Variants in DSCAM observed in about 807,000 individuals in gnomAD.
DSCAM encodes the protein DS cell adhesion molecule.
DSCAM carries 47 observed loss-of-function variants against 217.7 expected under a neutral mutation model. The ratio of observed to expected loss-of-function variants is 0.22; its 90% confidence interval spans 0.17 to 0.28. The LOEUF (loss-of-function observed/expected upper bound fraction) is 0.28, where lower values mean the gene tolerates loss of function less well. DSCAM is among the 10% of genes least tolerant of loss of function. The pLI is 1.00. For missense variants in DSCAM, 2,080 were observed against 2,618.3 expected, an observed-to-expected ratio of 0.79 and a Z score of 4.49; for synonymous variants, 1,056 against 1,015.3, an observed-to-expected ratio of 1.04 and a Z score of -0.76.
chr21:40,071,538 T>G (rs1373824987), intron 27 of DSCAM, among the ~76,000 whole-genome samples: 2 of 152,242 alleles, frequency 1.3e-5, no homozygotes, highest in East Asian at 1.9e-4. Flanking sequence ...TGTGATCAAT[T>G]TCAACCATAT....
At chr21:40,205,968 C>A (rs2837500) in intron 11 of DSCAM, among the ~76,000 whole-genome samples, 34 of 151,898 alleles carry the variant, frequency 2.2e-4, no homozygotes, top group African/African-American at 8.2e-4. Context: ...CTTTTATATT[C>A]GACATGGAAC....
chr21:40,667,349 G>A (rs963624717), intron 3 of DSCAM, among the ~76,000 whole-genome samples: 14 of 152,164 alleles, frequency 9.2e-5, no homozygotes, highest in African/African-American at 2.9e-4. Context: ...CCGAGCAGGA[G>A]AAATGTAGTT....
chr21:40,768,477 A>G (rs556981422), intron 1 of DSCAM, among the ~76,000 whole-genome samples: 1 of 152,328 alleles, frequency 6.6e-6, no homozygotes, highest in Admixed American at 6.5e-5. Flanking sequence ...TCACTAACCG[A>G]AAGCATTCTT....
chr21:40,823,656 G>C (rs560216012), intron 1 of DSCAM, among the ~76,000 whole-genome samples: 2 of 152,252 alleles, frequency 1.3e-5, no homozygotes, highest in Admixed American at 1.3e-4. Context: ...GATGGTGATT[G>C]CTACAGTGAA....
intron 3 of DSCAM, among the ~76,000 whole-genome samples, chr21:40,628,391 T>C (rs1383567853): frequency 6.6e-6 from 1 of 152,156 alleles, no homozygotes; most frequent in Admixed American, 6.5e-5. Context: ...GGCCTCTTCT[T>C]CTATAAAATG....
chr21:40,253,043 T>C (rs771301735), intron 11 of DSCAM, among the ~76,000 whole-genome samples: 9 of 152,182 alleles, frequency 5.9e-5, no homozygotes, highest in Non-Finnish European at 1.3e-4. Context: ...AGTGACATGT[T>C]TATCTGCCTT....
At chr21:40,759,958 CATTTATTTATTT>C (rs56093065) in intron 1 of DSCAM, among the ~76,000 whole-genome samples, 11,824 of 135,688 alleles carry the variant, frequency 0.087, 541 homozygotes, top group Admixed American at 0.11. Context: ...GATACGTTTA[CATTTATTTATTT>C]ATTTATTTAT....
At chr21:40,033,199 C>T (rs549701054) in intron 32 of DSCAM, among the ~76,000 whole-genome samples, 5 of 152,134 alleles carry the variant, frequency 3.3e-5, no homozygotes, top group Non-Finnish European at 7.4e-5. Flanking sequence ...GAACAGCTCC[C>T]GTCTACAGCT....
chr21:40,072,702 C>T (rs2089314041), intron 27 of DSCAM, among the ~76,000 whole-genome samples: 1 of 152,118 alleles, frequency 6.6e-6, no homozygotes, highest in Non-Finnish European at 1.5e-5. Context: ...GTACAAAATG[C>T]CGAACTGCAG....
intron 11 of DSCAM, among the ~76,000 whole-genome samples, chr21:40,200,500 GA>G (rs1187930315): frequency 2.0e-5 from 3 of 152,164 alleles, no homozygotes; most frequent in African/African-American, 7.2e-5. Flanking sequence ...TTCTAAGCCT[GA>G]ATTATATTTC....
chr21:40,392,770 G>T (rs187219168), intron 3 of DSCAM, among the ~76,000 whole-genome samples: 35 of 152,264 alleles, frequency 2.3e-4, no homozygotes, highest in Non-Finnish European at 4.6e-4. Context: ...GGACCAAAGA[G>T]CAGTAGTACA....
chr21:40,534,995 T>C (rs555583469), intron 3 of DSCAM, among the ~76,000 whole-genome samples: 1 of 152,260 alleles, frequency 6.6e-6, no homozygotes, highest in South Asian at 2.1e-4. Flanking sequence ...TAGACATACC[T>C]GGGTCTGACT....
intron 3 of DSCAM, among the ~76,000 whole-genome samples, chr21:40,680,111 TATA>T (rs1237716150): frequency 1.3e-5 from 2 of 152,198 alleles, no homozygotes; most frequent in African/African-American, 2.4e-5. Flanking sequence ...ACAATCTTAC[TATA>T]ATGTTATTTT....
chr21:40,246,351 T>C, intron 11 of DSCAM, among the ~76,000 whole-genome samples: 2 of 68,180 alleles, frequency 2.9e-5, no homozygotes, highest in Non-Finnish European at 4.6e-5. Context: ...ACCCAGTCCG[T>C]ACTAAAAAAA....
chr21:40,622,802 C>T lies in DSCAM; in HGVS notation c.508+70008G>A, dbSNP rs1252987621. Among the ~76,000 whole-genome samples the T allele has an allele frequency of 2.0e-5, 3 of 151,098 alleles. No homozygotes were observed. The East Asian group carries it at 5.8e-4, about 29-fold the overall frequency. ...GTCGTGCTTTCCACTGAGCTGGCTC[C>T]GAGTCTGCCCCCAGGAAATACCTGT... On this transcript the variant is annotated intron_variant, in intron 3 of 32. Coordinates refer to ENST00000400454, the MANE Select transcript of DSCAM (RefSeq NM_001389.5).
chr21:40,599,137 C>T, intron 3 of DSCAM, among the ~76,000 whole-genome samples: 1 of 152,110 alleles, frequency 6.6e-6, no homozygotes, highest in Non-Finnish European at 1.5e-5. Flanking sequence ...GATTTTCTCT[C>T]CATCTTTGGC....
At chr21:40,498,444 A>T (rs1331546184) in intron 3 of DSCAM, among the ~76,000 whole-genome samples, 6 of 151,800 alleles carry the variant, frequency 4.0e-5, no homozygotes, top group Non-Finnish European at 7.4e-5. Flanking sequence ...GGTGTTTTAG[A>T]GACAACTTCC....
At chr21:40,303,211 G>C (rs2074035709) in intron 9 of DSCAM, among the ~76,000 whole-genome samples, 1 of 152,086 alleles carries the variant, frequency 6.6e-6, no homozygotes, top group South Asian at 2.1e-4. Context: ...ATCATTCTGA[G>C]AATAGATGGC....
At chr21:40,693,599 G>C (rs2146451850) in intron 2 of DSCAM, among the ~76,000 whole-genome samples, 1 of 151,682 alleles carries the variant, frequency 6.6e-6, no homozygotes, top group East Asian at 1.9e-4. Flanking sequence ...TTTTTTTTCT[G>C]ACTGCAAAAA....
Sources: gnomAD v4.1 joint callset for allele counts (sites outside exome capture counted in the v4.1 genomes callset) on GRCh38, gnomAD v4.1.1 for gene constraint, MANE v1.5 for transcripts, NCBI Gene and HGNC (gene_info 2026-07-23, HGNC 2026-07-21) for gene names.